Variants in TMEM272 observed in about 807,000 individuals in gnomAD.
TMEM272 encodes transmembrane protein 272, also known as long intergenic non-protein coding RNA 282.
In TMEM272, 8 loss-of-function variants were observed where a neutral mutation model predicts 3.7. That is an observed-to-expected ratio of 2.17 (90% CI 1.27 to 3.91). TMEM272 has a LOEUF of 3.91. Among genes scored for constraint, TMEM272 ranks in the 30% most tolerant of loss-of-function variants. The pLI is 0.00. For missense variants in TMEM272, 166 were observed against 91.5 expected, an observed-to-expected ratio of 1.81 and a Z score of -3.32; for synonymous variants, 63 against 39.8, an observed-to-expected ratio of 1.58 and a Z score of -2.20.
At chr13:51,824,520 G>C (rs1241746131) in intron 3 of TMEM272, among the ~76,000 whole-genome samples, 1 of 152,140 alleles carries the variant, frequency 6.6e-6, no homozygotes, top group Non-Finnish European at 1.5e-5. Context: ...TATTGCTCTA[G>C]AAGCAATAAC....
intron 2 of TMEM272, among the ~76,000 whole-genome samples, chr13:51,837,791 T>C (rs1956228503): frequency 1.3e-5 from 2 of 152,220 alleles, no homozygotes; most frequent in African/African-American, 4.8e-5. Flanking sequence ...GTCAGCCCCT[T>C]GTTCTGCTGA....
At chr13:51,839,445 G>A (rs7318813) in intron 1 of TMEM272, among the ~76,000 whole-genome samples, 21,839 of 151,896 alleles carry the variant, frequency 0.14, 2,324 homozygotes, top group East Asian at 0.53. Context: ...ATGGGGGCTG[G>A]CTGATCCAGG....
intron 1 of TMEM272, among the ~76,000 whole-genome samples, chr13:51,844,774 G>A (rs1027201546): frequency 6.6e-6 from 1 of 152,128 alleles, no homozygotes; most frequent in African/African-American, 2.4e-5. Context: ...ACTTGCCTTC[G>A]CCCTGCAGTT....
chr13:51,922,920 C>T, the TMEM272 span, among the ~76,000 whole-genome samples: 1 of 152,220 alleles, frequency 6.6e-6, no homozygotes, highest in African/African-American at 2.4e-5. Flanking sequence ...TCTGGGGCCA[C>T]CCACATGGTC....
chr13:51,826,652 T>G, intron 2 of TMEM272, 27 bp from the exon 3 acceptor site: 1 of 702,476 alleles, frequency 1.4e-6, no homozygotes, highest in Non-Finnish European at 2.6e-6. Flanking sequence ...GGGCAGGCAC[T>G]GGGTTAGAAA....
At chr13:51,918,147 T>C in the TMEM272 span, among the ~76,000 whole-genome samples, 18 of 152,248 alleles carry the variant, frequency 1.2e-4, no homozygotes, top group African/African-American at 3.9e-4. Flanking sequence ...AAAATAATGA[T>C]TGGCATTTCT....
chr13:51,816,403 T>G lies in TMEM272; in HGVS notation c.*348A>C. The G allele has an allele frequency of 4.9e-6, 1 of 204,346 alleles. No homozygotes were observed. Among genetic ancestry groups the G allele is most frequent in the South Asian group, 1.1e-4 (1 of 9,174 alleles). 12.7% of individuals were successfully genotyped at this position (204,346 alleles called of 1,614,324 possible). A position where few individuals can be genotyped will look rare whatever the true frequency, so the allele number is the denominator to read the frequency against. ...ACAACCAACCTTGCTCTTGCACCAG[T>G]CATTGAAATTGCACTATGATTTGAA... On this transcript the variant is annotated 3_prime_UTR_variant, in exon 5 of 5. Coordinates refer to ENST00000629372, the MANE Select transcript of TMEM272 (RefSeq NM_001351003.2).
the TMEM272 span, among the ~76,000 whole-genome samples, chr13:51,877,779 G>A: frequency 9.2e-5 from 14 of 152,104 alleles, no homozygotes; most frequent in African/African-American, 2.9e-4. Flanking sequence ...CTTAAGTACC[G>A]ATGTATGATT....
the TMEM272 span, among the ~76,000 whole-genome samples, chr13:51,892,539 G>A: frequency 6.6e-6 from 1 of 152,116 alleles, no homozygotes; most frequent in African/African-American, 2.4e-5. Context: ...GGCATGGATG[G>A]AAGAAGAGGG....
chr13:51,895,041 A>C, the TMEM272 span, among the ~76,000 whole-genome samples: 1 of 152,108 alleles, frequency 6.6e-6, no homozygotes, highest in South Asian at 2.1e-4. Context: ...GCCACTGCTG[A>C]TCTGACAGGA....
At chr13:51,908,875 G>A in the TMEM272 span, 15 of 1,426,358 alleles carry the variant, frequency 1.1e-5, no homozygotes, top group South Asian at 1.7e-4. Flanking sequence ...GGAGCCTTGT[G>A]AGGATCAGTA....
chr13:51,859,648 CAT>C, the TMEM272 span, among the ~76,000 whole-genome samples: 1 of 152,064 alleles, frequency 6.6e-6, no homozygotes, highest in Non-Finnish European at 1.5e-5. Context: ...AATGCCCACA[CAT>C]GATAAAAAAT....
At chr13:51,906,374 T>C in the TMEM272 span, among the ~76,000 whole-genome samples, 1 of 152,152 alleles carries the variant, frequency 6.6e-6, no homozygotes, top group Non-Finnish European at 1.5e-5. Flanking sequence ...CAAGCCAATT[T>C]TGAGCCCCCA....
chr13:51,874,211 CT>C, the TMEM272 span, among the ~76,000 whole-genome samples: 6 of 152,222 alleles, frequency 3.9e-5, no homozygotes, highest in Non-Finnish European at 7.3e-5. Flanking sequence ...CATTCCAGAA[CT>C]ATTTTCTGCA....
the TMEM272 span, among the ~76,000 whole-genome samples, chr13:51,898,857 C>A: frequency 1.3e-5 from 2 of 151,982 alleles, no homozygotes; most frequent in Non-Finnish European, 1.5e-5. Context: ...TCCTGATCTA[C>A]CACTCACTTG....
At chr13:51,843,198 G>T (rs1213824934) in intron 1 of TMEM272, among the ~76,000 whole-genome samples, 1 of 152,102 alleles carries the variant, frequency 6.6e-6, no homozygotes, top group Non-Finnish European at 1.5e-5. Context: ...GTTCCCCCTT[G>T]TGATTTGGTT....
chr13:51,849,256 C>T (rs893862031), upstream of TMEM272, among the ~76,000 whole-genome samples: 6 of 152,090 alleles, frequency 3.9e-5, no homozygotes, highest in African/African-American at 1.2e-4. Flanking sequence ...CACAGAAAGG[C>T]GAATGCTGTA....
chr13:51,921,924 ATG>A, the TMEM272 span, among the ~76,000 whole-genome samples: 11 of 151,600 alleles, frequency 7.3e-5, no homozygotes, highest in South Asian at 1.9e-3. Flanking sequence ...GTGTGTGTGT[ATG>A]TGTGTGTGTG....
At chr13:51,877,375 C>T in the TMEM272 span, among the ~76,000 whole-genome samples, 1 of 152,156 alleles carries the variant, frequency 6.6e-6, no homozygotes, top group Admixed American at 6.5e-5. Context: ...ACCTTCAGCT[C>T]CTTGCACAGA....
Sources: gnomAD v4.1 joint callset for allele counts (sites outside exome capture counted in the v4.1 genomes callset) on GRCh38, gnomAD v4.1.1 for gene constraint, MANE v1.5 for transcripts, NCBI Gene and HGNC (gene_info 2026-07-23, HGNC 2026-07-21) for gene names.